Variants in RBFOX1 observed in about 807,000 individuals in gnomAD.
The protein encoded by RBFOX1 is RNA binding protein fox-1 homolog 1.
RBFOX1 carries 8 observed loss-of-function variants against 57.7 expected under a neutral mutation model. The observed-to-expected ratio is 0.14, with a 90% CI of 0.08 to 0.25. The LOEUF (loss-of-function observed/expected upper bound fraction) is 0.25, where lower values mean the gene tolerates loss of function less well. RBFOX1 is among the 10% of genes least tolerant of loss of function. The probability of loss-of-function intolerance (pLI) is 1.00; values close to 1 mark genes in which losing one functional copy is unlikely to be tolerated. For missense variants in RBFOX1, 611 were observed against 548.5 expected, an observed-to-expected ratio of 1.11 and a Z score of -1.14; for synonymous variants, 326 against 222.4, an observed-to-expected ratio of 1.47 and a Z score of -4.15.
At chr16:7,609,694 G>T (rs1279854942) in intron 10 of RBFOX1, among the ~76,000 whole-genome samples, 2 of 152,154 alleles carry the variant, frequency 1.3e-5, no homozygotes, top group Non-Finnish European at 2.9e-5. Context: ...GCAAAAAGTT[G>T]GTATTACTGC....
At chr16:6,963,123 G>A (rs889144819) in intron 3 of RBFOX1, among the ~76,000 whole-genome samples, 1 of 152,048 alleles carries the variant, frequency 6.6e-6, no homozygotes, top group Non-Finnish European at 1.5e-5. Context: ...TTCACCTCTG[G>A]GTGCAGGACT....
exon 1 of RBFOX1, chr16:5,239,877 C>A (rs1343077975): frequency 7.1e-6 from 10 of 1,410,540 alleles, no homozygotes; most frequent in African/African-American, 1.5e-5. Context: ...CAGGCAGAGC[C>A]CCCGGAGCCA....
chr16:7,607,832 G>A (rs1306866488), intron 10 of RBFOX1, among the ~76,000 whole-genome samples: 3 of 152,096 alleles, frequency 2.0e-5, no homozygotes, highest in Admixed American at 6.5e-5. Context: ...GTCCGTCTTC[G>A]TTCATTAATC....
intron 3 of RBFOX1, among the ~76,000 whole-genome samples, chr16:5,722,513 A>T (rs566506100): frequency 1.3e-5 from 2 of 152,294 alleles, no homozygotes; most frequent in African/African-American, 4.8e-5. Context: ...AGGTGTCCCC[A>T]GGGGATCAAG....
At chr16:7,057,888 G>C (rs1598346438) in intron 4 of RBFOX1, among the ~76,000 whole-genome samples, 1 of 151,520 alleles carries the variant, frequency 6.6e-6, no homozygotes, top group Non-Finnish European at 1.5e-5. Context: ...GGCGCCTGTA[G>C]TCCCAGCTAC....
chr16:6,875,271 T>C (rs2061631982), intron 3 of RBFOX1, among the ~76,000 whole-genome samples: 1 of 152,212 alleles, frequency 6.6e-6, no homozygotes, highest in Non-Finnish European at 1.5e-5. Flanking sequence ...GACTCTTCGG[T>C]TGTCTAAACA....
intron 1 of RBFOX1, among the ~76,000 whole-genome samples, chr16:6,255,806 C>T (rs2097657624): frequency 6.6e-6 from 1 of 151,974 alleles, no homozygotes; most frequent in Non-Finnish European, 1.5e-5. Flanking sequence ...AAACGAAACA[C>T]CGCATGTTCT....
intron 1 of RBFOX1, among the ~76,000 whole-genome samples, chr16:5,401,181 C>A (rs191087127): frequency 1.3e-5 from 2 of 152,234 alleles, no homozygotes; most frequent in African/African-American, 4.8e-5. Flanking sequence ...TTTATTTATA[C>A]TTTCTGCAAA....
chr16:6,747,522 G>C (rs1339089628), intron 3 of RBFOX1, among the ~76,000 whole-genome samples: 1 of 151,922 alleles, frequency 6.6e-6, no homozygotes, highest in Non-Finnish European at 1.5e-5. Flanking sequence ...TTGTCACCTG[G>C]GATATGTAAG....
intron 4 of RBFOX1, among the ~76,000 whole-genome samples, chr16:7,430,659 CAA>C (rs35088351): frequency 3.6e-5 from 5 of 138,772 alleles, no homozygotes; most frequent in Non-Finnish European, 3.1e-5. Flanking sequence ...GACTCCATCT[CAA>C]AAAAAAAAAA....
At chr16:6,681,823 C>T (rs531129503) in intron 3 of RBFOX1, among the ~76,000 whole-genome samples, 2 of 152,220 alleles carry the variant, frequency 1.3e-5, no homozygotes, top group African/African-American at 4.8e-5. Context: ...TCTTTTCAGC[C>T]GGGATACTCT....
At position 6,180,241 on chromosome 16, in the gene RBFOX1, C is replaced by T. The variant is rs143711666; in HGVS notation, c.-126-136754C>T. ...TTTTGGTAAAATTCACCAGTAGAGG[C>T]ACTGGGGTCTGGGTTTTTCTTTATG... On this transcript the variant is annotated intron_variant, in intron 1 of 15. Transcript: ENST00000550418. 1.8e-3 allele frequency among the ~76,000 whole-genome samples: 280 copies of T among 152,094 alleles called. 4 individuals are homozygous for T. The highest frequency in any genetic ancestry group is 6.4e-3 in the African/African-American group (267 of 41,482).
chr16:5,804,211 G>A (rs2055155929), intron 3 of RBFOX1, among the ~76,000 whole-genome samples: 1 of 152,206 alleles, frequency 6.6e-6, no homozygotes, highest in South Asian at 2.1e-4. Flanking sequence ...AAATGTTAGT[G>A]AGGTGAGGAA....
At chr16:6,981,113 C>G (rs1180790224) in intron 3 of RBFOX1, among the ~76,000 whole-genome samples, 2 of 147,932 alleles carry the variant, frequency 1.4e-5, no homozygotes, top group Non-Finnish European at 3.0e-5. Flanking sequence ...TAAGTAAACT[C>G]TTTTTTTATT....
chr16:7,639,286 G>A (rs1276966876), intron 11 of RBFOX1, among the ~76,000 whole-genome samples: 6 of 152,078 alleles, frequency 3.9e-5, no homozygotes, highest in African/African-American at 1.4e-4. Flanking sequence ...CAACAATGCT[G>A]GCTCTAAAAG....
intron 2 of RBFOX1, among the ~76,000 whole-genome samples, chr16:5,490,119 A>G (rs990012699): frequency 2.0e-5 from 3 of 152,208 alleles, no homozygotes; most frequent in African/African-American, 7.2e-5. Context: ...ATCTAGGGAA[A>G]TGGAGAAAGG....
chr16:6,398,437 C>G (rs2191417), intron 2 of RBFOX1, among the ~76,000 whole-genome samples: 143,048 of 152,146 alleles, frequency 0.94, 67,311 homozygotes, highest in East Asian at 1. Flanking sequence ...GACAAAGTAA[C>G]TCTGTTCTGC....
At chr16:7,604,407 T>C (rs2095196168) in intron 9 of RBFOX1, among the ~76,000 whole-genome samples, 1 of 152,192 alleles carries the variant, frequency 6.6e-6, no homozygotes, top group Non-Finnish European at 1.5e-5. Flanking sequence ...GCTGGTTTCT[T>C]GTAGAGGAGA....
intron 1 of RBFOX1, among the ~76,000 whole-genome samples, chr16:6,143,330 G>C (rs956143157): frequency 6.6e-6 from 1 of 152,200 alleles, no homozygotes; most frequent in African/African-American, 2.4e-5. Context: ...ATGGGTTTGT[G>C]TACCAGATGA....
Sources: allele counts gnomAD v4.1 joint callset (sites outside exome capture counted in the v4.1 genomes callset), GRCh38; gene constraint gnomAD v4.1.1; transcripts MANE v1.5; gene names NCBI Gene and HGNC (gene_info 2026-07-23, HGNC 2026-07-21).